Variants in MAN1C1 observed in about 807,000 individuals in gnomAD.
MAN1C1 encodes the protein mannosyl-oligosaccharide 1,2-alpha-mannosidase IC.
Under a neutral mutation model 71.5 loss-of-function variants are expected in MAN1C1, and 49 were observed. That is an observed-to-expected ratio of 0.69 (90% CI 0.54 to 0.87). MAN1C1 has a LOEUF of 0.87. Ranked by LOEUF, MAN1C1 falls within the 40% of genes least tolerant of loss-of-function variation. The pLI, the probability that MAN1C1 is intolerant of heterozygous loss-of-function variation, is 0.00. For synonymous variants in MAN1C1, 352 were observed against 343.7 expected (o/e 1.02, Z -0.27); for missense variants, 743 against 835.0 (o/e 0.89, Z 1.36).
intron 7 of MAN1C1, among the ~76,000 whole-genome samples, chr1:25,765,641 G>A (rs1465658936): frequency 1.3e-5 from 2 of 152,216 alleles, no homozygotes; most frequent in Non-Finnish European, 2.9e-5. Flanking sequence ...TAGGAAGAAT[G>A]GTCAAAGGCT....
chr1:25,676,896 A>G (rs1327118876), intron 1 of MAN1C1, among the ~76,000 whole-genome samples: 3 of 152,158 alleles, frequency 2.0e-5, no homozygotes, highest in Non-Finnish European at 2.9e-5. Context: ...ACTGTCCAAC[A>G]CAAACTTTGG....
rs534846496 is a variant in MAN1C1, at chr1:25,773,198, A to C, written c.1257+1426A>C. On this transcript the variant is annotated intron_variant, in intron 8 of 11. Coordinates refer to ENST00000374332, the MANE Select transcript of MAN1C1 (RefSeq NM_020379.4). ...AACTGTTTTGTGAATGAATGAATGCATGGGTGCATGAATGCTGAAAGGATG... is the reference window on the plus strand; with the variant it reads ...AACTGTTTTGTGAATGAATGAATGCCTGGGTGCATGAATGCTGAAAGGATG... Among the ~76,000 whole-genome samples the C allele has an allele frequency of 8.3e-5, 12 of 145,394 alleles. No individual in the cohort carries two copies. In the South Asian group the frequency reaches 2.9e-3, roughly 35 times the overall value.
At position 25,711,024 on chromosome 1, in the gene MAN1C1, CATTT is replaced by C. The variant is rs2046606804; in HGVS notation, c.637+24492_637+24495del. 6.6e-6 allele frequency among the ~76,000 whole-genome samples: 1 copy of C among 152,078 alleles called. No individual in the cohort carries two copies. The highest frequency in any genetic ancestry group is 1.5e-5 in the Non-Finnish European group (1 of 68,022). On this transcript the variant is annotated intron_variant, in intron 2 of 11. Coordinates refer to ENST00000374332, the MANE Select transcript of MAN1C1 (RefSeq NM_020379.4). This position sits in a 1 kb window ranked among gnomAD's most constrained non-coding sequence, Gnocchi z 4.3. ...GAAACTTAATGGCTTAAACAAAGAC[CATTT>C]ATTATTTCTTGAGTCTGTGGGTCTT... is the stretch of plus-strand genomic sequence containing the variant.
Position 25,735,601 on chromosome 1 carries a change from A to G in MAN1C1, c.638-11067A>G, listed in dbSNP as rs993902805. ...AACATTGTATCAGTCATCTATTTCC[A>G]TAATAGGGTTGTATTATAACAAAGT... On this transcript the variant is annotated intron_variant, in intron 2 of 11. Transcript: ENST00000374332. This position sits in a 1 kb window ranked among gnomAD's most constrained non-coding sequence, Gnocchi z 4.6. Among the ~76,000 whole-genome samples, 5 of 152,218 alleles carry G rather than the reference A, an allele frequency of 3.3e-5. No individual in the cohort carries two copies. Among genetic ancestry groups the G allele is most frequent in the African/African-American group, 4.8e-5 (2 of 41,450 alleles).
chr1:25,726,308 T>A (rs1356677641), intron 2 of MAN1C1, among the ~76,000 whole-genome samples: 1 of 152,106 alleles, frequency 6.6e-6, no homozygotes, highest in Non-Finnish European at 1.5e-5. Context: ...CCACCAAACC[T>A]CTGCCCAACT....
intron 8 of MAN1C1, among the ~76,000 whole-genome samples, chr1:25,773,896 T>C (rs753171428): frequency 6.6e-6 from 1 of 152,218 alleles, no homozygotes; most frequent in East Asian, 1.9e-4. Context: ...CTCAACCTTG[T>C]TGCCATGTTA....
At chr1:25,669,770 G>A (rs115239816) in intron 1 of MAN1C1, among the ~76,000 whole-genome samples, 3,585 of 152,210 alleles carry the variant, frequency 0.024, 149 homozygotes, top group African/African-American at 0.082. Context: ...GGATGACAGA[G>A]CAAGACTCTG....
chr1:25,717,829 G>T (rs1011686735), intron 2 of MAN1C1, among the ~76,000 whole-genome samples: 1 of 152,118 alleles, frequency 6.6e-6, no homozygotes, highest in African/African-American at 2.4e-5. Context: ...CTCCCAAAGT[G>T]CTGGGATTAC....
Position 25,780,979 on chromosome 1 carries a change from G to C in MAN1C1, c.1517G>C (p.Gly506Ala). 6.2e-7 allele frequency: 1 copy of C among 1,614,142 alleles called. No homozygotes were observed. The change falls in exon 10 of 12, where the codon GGC (glycine) becomes GCC (alanine). Residue 506 changes from glycine (G) to alanine (A), a missense_variant. Coordinates refer to ENST00000374332, the MANE Select transcript of MAN1C1 (RefSeq NM_020379.4). ...CCTGAGGCCTTCTGGTTTAACTCCG[G>C]CAGAGAGGCCGTGGCCACCCAGCTG... is the stretch of plus-strand genomic sequence containing the variant. ...LGPEAFWFNS[G>A]REAVATQLSE...
At chr1:25,618,613 C>T (rs576500604) in intron 1 of MAN1C1, among the ~76,000 whole-genome samples, 1 of 152,206 alleles carries the variant, frequency 6.6e-6, no homozygotes, top group African/African-American at 2.4e-5. Flanking sequence ...CTCCCAGACT[C>T]TGGTATGTCG....
chr1:25,648,448 TGGAGGAGGA>T (rs958946735), intron 1 of MAN1C1, among the ~76,000 whole-genome samples: 3 of 152,124 alleles, frequency 2.0e-5, no homozygotes, highest in Non-Finnish European at 4.4e-5. Context: ...GCCAAGAACC[TGGAGGAGGA>T]GGAGGAGGGT....
chr1:25,739,126 C>A (rs925927173), intron 2 of MAN1C1, among the ~76,000 whole-genome samples: 1 of 152,110 alleles, frequency 6.6e-6, no homozygotes. Flanking sequence ...GAGCAAGAGA[C>A]CCTGTCTCAA....
At chr1:25,768,302 T>A (rs1333537881) in intron 7 of MAN1C1, among the ~76,000 whole-genome samples, 131 of 4,474 alleles carry the variant, frequency 0.029, no homozygotes, top group East Asian at 0.038. Context: ...CACACACGCA[T>A]TACACACTCC....
chr1:25,708,898 A>C (rs1000618537), intron 2 of MAN1C1, among the ~76,000 whole-genome samples: 2 of 152,144 alleles, frequency 1.3e-5, no homozygotes, highest in Non-Finnish European at 2.9e-5. Context: ...AAGAAAAAAA[A>C]AAGCCACTGG....
intron 7 of MAN1C1, among the ~76,000 whole-genome samples, chr1:25,765,390 C>A (rs181104585): frequency 2.0e-5 from 3 of 152,290 alleles, no homozygotes; most frequent in Admixed American, 2.0e-4. Flanking sequence ...TCTAGGGCCT[C>A]CCAAGACCTG....
At chr1:25,637,111 C>T (rs2982301) in intron 1 of MAN1C1, among the ~76,000 whole-genome samples, 2,585 of 151,986 alleles carry the variant, frequency 0.017, 74 homozygotes, top group African/African-American at 0.059. Context: ...GCTGAGATCG[C>T]GCCACTGCAC....
intron 1 of MAN1C1, 46 bp downstream of exon 1, chr1:25,618,383 A>T: frequency 6.5e-7 from 1 of 1,545,220 alleles, no homozygotes; most frequent in Non-Finnish European, 8.7e-7. Context: ...GCCCCCTCTA[A>T]GGAGAGAAGA....
At chr1:25,757,044 G>C (rs807258) in intron 5 of MAN1C1, among the ~76,000 whole-genome samples, 2 of 151,866 alleles carry the variant, frequency 1.3e-5, no homozygotes, top group South Asian at 4.1e-4. Context: ...CGAGCCCTTC[G>C]TCTGTTCCCA....
At chr1:25,768,002 C>CT (rs1287251390) in intron 7 of MAN1C1, among the ~76,000 whole-genome samples, 2 of 84,226 alleles carry the variant, frequency 2.4e-5, no homozygotes, top group African/African-American at 4.5e-5. Context: ...TACATACACT[C>CT]CCCCACACAC....
Sources: allele counts gnomAD v4.1 joint callset (sites outside exome capture counted in the v4.1 genomes callset), GRCh38; gene constraint gnomAD v4.1.1; non-coding constraint Gnocchi (gnomAD v3.1); transcripts MANE v1.5; gene names NCBI Gene and HGNC (gene_info 2026-07-23, HGNC 2026-07-21).